Variants in NEDD4L observed in about 807,000 individuals in gnomAD.
NEDD4L encodes the protein NEDD4 like E3 ubiquitin protein ligase, also known as E3 ubiquitin-protein ligase NEDD4-like.
A neutral mutation model predicts 148.9 loss-of-function variants in NEDD4L; 54 were observed. That is an observed-to-expected ratio of 0.36 (90% CI 0.29 to 0.45). The LOEUF (loss-of-function observed/expected upper bound fraction) is 0.45, where lower values mean the gene tolerates loss of function less well. NEDD4L is among the 20% of genes least tolerant of loss of function. NEDD4L has a pLI of 1.00. For synonymous variants in NEDD4L, 433 were observed against 440.7 expected, an observed-to-expected ratio of 0.98 and a Z score of 0.22; for missense variants, 856 against 1,233.8, an observed-to-expected ratio of 0.69 and a Z score of 4.59.
At chr18:58,145,855 A>G (rs912751831) in intron 1 of NEDD4L, among the ~76,000 whole-genome samples, 4 of 152,082 alleles carry the variant, frequency 2.6e-5, no homozygotes, top group Non-Finnish European at 5.9e-5. Context: ...GGGTCTTGTT[A>G]TTCTTTTTAC....
At chr18:58,349,809 T>C (rs1049780983) in intron 17 of NEDD4L, among the ~76,000 whole-genome samples, 195 bp downstream of exon 17, 1 of 152,248 alleles carries the variant, frequency 6.6e-6, no homozygotes, top group African/African-American at 2.4e-5. Context: ...CCAGTACTTA[T>C]GAAAGAGGTT....
At chr18:58,092,713 A>G (rs2084148385) in intron 1 of NEDD4L, among the ~76,000 whole-genome samples, 1 of 151,812 alleles carries the variant, frequency 6.6e-6, no homozygotes, top group African/African-American at 2.4e-5. Flanking sequence ...TTCGTGTAAG[A>G]GCATGAAGGC....
rs1266617564 is a variant in NEDD4L, at chr18:58,389,312, C to T, written c.2655+120C>T. On this transcript the variant is annotated intron_variant, in intron 28 of 30. Coordinates refer to ENST00000400345, the MANE Select transcript of NEDD4L (RefSeq NM_001144967.3). ...ATGCTGGCTTTGGGGTCTGTTAGAG[C>T]TTGGACTGCTGGGGGAGGGAAGAGG... 8.6e-6 allele frequency: 6 copies of T among 697,524 alleles called. No individual in the cohort carries two copies. The East Asian group carries it at 1.1e-4, about 13-fold the overall frequency. 43.2% of individuals were successfully genotyped at this position (697,524 alleles called of 1,614,324 possible). A position where few individuals can be genotyped will look rare whatever the true frequency, so the allele number is the denominator to read the frequency against.
chr18:58,269,387 T>G (rs1488581361), intron 5 of NEDD4L, among the ~76,000 whole-genome samples: 1 of 152,106 alleles, frequency 6.6e-6, no homozygotes, highest in Admixed American at 6.5e-5. Context: ...GGTGTTTAAA[T>G]GGCTCACCGC....
intron 2 of NEDD4L, among the ~76,000 whole-genome samples, chr18:58,240,810 A>G (rs1167899493): frequency 9.6e-6 from 1 of 103,716 alleles, no homozygotes; most frequent in African/African-American, 3.7e-5. Context: ...GGCGGCAGCT[A>G]ACATTTATGT....
intron 1 of NEDD4L, among the ~76,000 whole-genome samples, chr18:58,098,422 C>T (rs1311420857): frequency 2.0e-5 from 3 of 152,136 alleles, no homozygotes; most frequent in Admixed American, 2.0e-4. Context: ...GCACTCTCAG[C>T]CTCCGGGCCT....
intron 11 of NEDD4L, 71 bp downstream of exon 11, chr18:58,330,985 T>G: frequency 6.7e-7 from 1 of 1,493,028 alleles, no homozygotes; most frequent in South Asian, 1.2e-5. Flanking sequence ...AAGGAGAATC[T>G]CTTACGTAAA....
chr18:58,090,635 G>A (rs918341438), intron 1 of NEDD4L, among the ~76,000 whole-genome samples: 3 of 152,076 alleles, frequency 2.0e-5, no homozygotes, highest in South Asian at 2.1e-4. Flanking sequence ...GCACCACCAC[G>A]CCTGGCTAAT....
chr18:58,372,181 A>G (rs895355424), intron 23 of NEDD4L: 4 of 152,186 alleles, frequency 2.6e-5, no homozygotes, highest in Non-Finnish European at 5.9e-5. Flanking sequence ...TGGCACAACC[A>G]TAGTTCACTG....
rs146782032 is a variant in NEDD4L, at chr18:58,220,577, G to C, written c.123-24850G>C. 2.2e-3 allele frequency among the ~76,000 whole-genome samples: 339 copies of C among 152,282 alleles called. 3 individuals carry two copies. Among genetic ancestry groups the C allele is most frequent in the African/African-American group, 7.4e-3 (306 of 41,558 alleles). On this transcript the variant is annotated intron_variant, in intron 2 of 30. Transcript: ENST00000400345. ...TGGAAATCCCAGCGTTTGAACGCTG[G>C]GGGGAACTGCAAGTCTAGTTTACAG...
chr18:58,121,923 G>T (rs1229065032), intron 1 of NEDD4L, among the ~76,000 whole-genome samples: 1 of 152,088 alleles, frequency 6.6e-6, no homozygotes, highest in Non-Finnish European at 1.5e-5. Context: ...CTTTTTCTCT[G>T]CACACCCATA....
rs574557873 is a variant in NEDD4L, at chr18:58,333,744, T to C, written c.991-74T>C. 54 of 999,454 alleles carry C rather than the reference T, an allele frequency of 5.4e-5. No homozygotes were observed. In the African/African-American group the frequency reaches 6.8e-4, roughly 13 times the overall value. The allele number at this position is 999,454 out of a possible 1,614,324, so 61.9% of individuals were successfully genotyped here. On this transcript the variant is annotated intron_variant, in intron 11 of 30. Coordinates refer to ENST00000400345, the MANE Select transcript of NEDD4L (RefSeq NM_001144967.3). ...GAGCGGTGAATATGGTTGAGTGATA[T>C]GTTTGTTAAACCAATGAAAGTTGCT... is the stretch of plus-strand genomic sequence containing the variant.
At chr18:58,057,628 A>G (rs1317337663) in intron 1 of NEDD4L, among the ~76,000 whole-genome samples, 1 of 152,160 alleles carries the variant, frequency 6.6e-6, no homozygotes, top group African/African-American at 2.4e-5. Context: ...GGCTTGTTCC[A>G]GCCTTACTGA....
chr18:58,292,793 G>A (rs999979054), intron 5 of NEDD4L, among the ~76,000 whole-genome samples: 5 of 152,194 alleles, frequency 3.3e-5, no homozygotes, highest in Admixed American at 2.0e-4. Flanking sequence ...TATTTGGAAC[G>A]TAAGCTCTGA....
intron 1 of NEDD4L, among the ~76,000 whole-genome samples, chr18:58,123,339 C>T (rs755216088): frequency 3.3e-5 from 5 of 152,222 alleles, no homozygotes; most frequent in Admixed American, 6.5e-5. Flanking sequence ...AGGCACCCCA[C>T]TCTGCGATCT....
chr18:58,205,492 GTGTGTA>G (rs2041889071), intron 2 of NEDD4L, among the ~76,000 whole-genome samples: 1 of 151,372 alleles, frequency 6.6e-6, no homozygotes, highest in Non-Finnish European at 1.5e-5. Context: ...AGAGGGGTGT[GTGTGTA>G]TGTGTGTGTG....
At chr18:58,221,301 A>G (rs2043738895) in intron 2 of NEDD4L, among the ~76,000 whole-genome samples, 1 of 152,202 alleles carries the variant, frequency 6.6e-6, no homozygotes, top group Admixed American at 6.5e-5. Context: ...AGAGTCATCC[A>G]CAAAACCTCA....
intron 2 of NEDD4L, among the ~76,000 whole-genome samples, chr18:58,203,397 A>C (rs1282180392): frequency 6.6e-6 from 1 of 152,212 alleles, no homozygotes; most frequent in Non-Finnish European, 1.5e-5. Context: ...AATAAAATAA[A>C]AGTCTTTATT....
intron 3 of NEDD4L, 126 bp from the exon 4 acceptor site, chr18:58,248,773 G>T: frequency 6.9e-6 from 4 of 580,180 alleles, no homozygotes; most frequent in South Asian, 4.8e-5. Context: ...TCAAATAATC[G>T]ACTAAATGCT....
Sources: allele counts gnomAD v4.1 joint callset (sites outside exome capture counted in the v4.1 genomes callset), GRCh38; gene constraint gnomAD v4.1.1; transcripts MANE v1.5; gene names NCBI Gene and HGNC (gene_info 2026-07-23, HGNC 2026-07-21).